Variants in STAT5B observed in about 807,000 individuals in gnomAD.
STAT5B encodes transcription factor STAT5B.
In STAT5B, 21 loss-of-function variants were observed where a neutral mutation model predicts 107.8. The ratio of observed to expected loss-of-function variants is 0.19; its 90% confidence interval spans 0.14 to 0.28. The LOEUF is 0.28. Ranked by LOEUF, STAT5B falls within the 10% of genes least tolerant of loss-of-function variation. The pLI is 1.00. For missense variants in STAT5B, 565 were observed against 1,008.2 expected, an observed-to-expected ratio of 0.56 and a Z score of 5.95; for synonymous variants, 325 against 401.7, an observed-to-expected ratio of 0.81 and a Z score of 2.28.
chr17:42,233,856 C>A (rs2080337091), intron 1 of STAT5B: 1 of 152,034 alleles, frequency 6.6e-6, no homozygotes, highest in African/African-American at 2.4e-5. Flanking sequence ...ACCATGATGC[C>A]CCCCTCAGAC....
chr17:42,270,039 G>A (rs142202145), intron 1 of STAT5B, among the ~76,000 whole-genome samples: 224 of 151,648 alleles, frequency 1.5e-3, no homozygotes, highest in African/African-American at 5.2e-3. Context: ...TCAAAACCCC[G>A]TCTCTACTAA....
chr17:42,258,666 G>A (rs1012191447), intron 1 of STAT5B, among the ~76,000 whole-genome samples: 1 of 152,250 alleles, frequency 6.6e-6, no homozygotes. Context: ...GAAACAGAGC[G>A]AGACTCCGTC....
chr17:42,243,135 AT>A (rs956625425), intron 1 of STAT5B, among the ~76,000 whole-genome samples: 16 of 151,290 alleles, frequency 1.1e-4, no homozygotes, highest in African/African-American at 3.2e-4. Flanking sequence ...AAAAAAAAAA[AT>A]GTTAAAAATA....
intron 2 of STAT5B, 116 bp from the exon 3 acceptor site, chr17:42,227,801 C>A: frequency 2.7e-6 from 3 of 1,105,828 alleles, no homozygotes; most frequent in Non-Finnish European, 3.9e-6. Context: ...ATCCTCACTG[C>A]AAATTTTAAG....
chr17:42,276,505 G>T (rs1339355563), upstream of STAT5B: 1 of 150,380 alleles, frequency 6.6e-6, no homozygotes, highest in African/African-American at 2.4e-5. This position sits in a 1 kb window ranked among gnomAD's most constrained non-coding sequence, Gnocchi z 4.8. Flanking sequence ...TCCGCCCGGC[G>T]CGCGCTCGCT....
intron 1 of STAT5B, among the ~76,000 whole-genome samples, chr17:42,251,187 C>A (rs1161857488): frequency 6.6e-6 from 1 of 152,096 alleles, no homozygotes; most frequent in Admixed American, 6.6e-5. Context: ...CACCTTCATT[C>A]TTTTAAATCA....
chr17:42,263,886 C>CAA (rs1318474653), intron 1 of STAT5B, among the ~76,000 whole-genome samples: 1 of 151,184 alleles, frequency 6.6e-6, no homozygotes, highest in African/African-American at 2.4e-5. Context: ...CACACACACA[C>CAA]ACACACACAC....
At chr17:42,277,795 G>A (rs2080777049), upstream of STAT5B, among the ~76,000 whole-genome samples, 1 of 135,216 alleles carries the variant, frequency 7.4e-6, no homozygotes, top group Non-Finnish European at 1.6e-5. Flanking sequence ...TCTCTCTGTT[G>A]CCCAGGCTGG....
chr17:42,241,160 G>T (rs2080398317), intron 1 of STAT5B, among the ~76,000 whole-genome samples: 1 of 151,862 alleles, frequency 6.6e-6, no homozygotes, highest in African/African-American at 2.4e-5. Context: ...CCAACATGGA[G>T]AAACCCTGTC....
chr17:42,246,344 A>T (rs940419498), intron 1 of STAT5B, among the ~76,000 whole-genome samples: 5 of 152,082 alleles, frequency 3.3e-5, no homozygotes, highest in Admixed American at 6.5e-5. Flanking sequence ...ATTATAAAAA[A>T]ATTTTAATTT....
chr17:42,247,358 A>G (rs965200485), intron 1 of STAT5B, among the ~76,000 whole-genome samples: 42 of 152,262 alleles, frequency 2.8e-4, no homozygotes, highest in African/African-American at 9.2e-4. Flanking sequence ...TTAATTTGCC[A>G]TGAATTAAAA....
intron 5 of STAT5B, among the ~76,000 whole-genome samples, chr17:42,222,200 C>A (rs540372792): frequency 1.2e-4 from 17 of 146,652 alleles, no homozygotes; most frequent in African/African-American, 4.3e-4. Flanking sequence ...TCTGTGTGTG[C>A]TGTGTGTGTG....
At chr17:42,209,408 T>C (rs1243340150) in intron 15 of STAT5B, among the ~76,000 whole-genome samples, 2 of 152,146 alleles carry the variant, frequency 1.3e-5, no homozygotes, top group Non-Finnish European at 2.9e-5. Context: ...GCTACCCTTA[T>C]TGTGAGGGTC....
At chr17:42,248,500 G>A (rs1349330030) in intron 1 of STAT5B, among the ~76,000 whole-genome samples, 3 of 152,124 alleles carry the variant, frequency 2.0e-5, no homozygotes, top group East Asian at 3.8e-4. Flanking sequence ...CATAGTGGGA[G>A]TAAATAAAAT....
chr17:42,223,584 G>A, intron 4 of STAT5B, 28 bp from the exon 5 acceptor site: 2 of 1,612,398 alleles, frequency 1.2e-6, no homozygotes, highest in Non-Finnish European at 1.7e-6. Flanking sequence ...GCAGTGCAAG[G>A]CAGTGCGAAT....
chr17:42,228,116 C>A (rs1340662882), intron 2 of STAT5B, among the ~76,000 whole-genome samples: 1 of 152,176 alleles, frequency 6.6e-6, no homozygotes. Flanking sequence ...TCCTTTCCAG[C>A]CTCAAGGAGT....
At chr17:42,277,509 CA>C (rs942566222), upstream of STAT5B, among the ~76,000 whole-genome samples, 3 of 152,138 alleles carry the variant, frequency 2.0e-5, no homozygotes, top group African/African-American at 7.2e-5. Flanking sequence ...TCCAGCTGGT[CA>C]AAAAACCCTT....
upstream of STAT5B, among the ~76,000 whole-genome samples, chr17:42,277,686 C>T (rs1409872323): frequency 1.3e-5 from 2 of 152,144 alleles, no homozygotes; most frequent in Non-Finnish European, 2.9e-5. Context: ...CTGACAGTTA[C>T]TGCCCATGAT....
At chr17:42,211,614 T>C (rs558447122) in intron 13 of STAT5B, among the ~76,000 whole-genome samples, 3 of 152,214 alleles carry the variant, frequency 2.0e-5, no homozygotes, top group East Asian at 1.9e-4. Flanking sequence ...GAGGGTCCCA[T>C]AGGAGCCTGA....
Sources: gnomAD v4.1 joint callset for allele counts (sites outside exome capture counted in the v4.1 genomes callset) on GRCh38, gnomAD v4.1.1 for gene constraint, Gnocchi (gnomAD v3.1) non-coding constraint, MANE v1.5 for transcripts, NCBI Gene and HGNC (gene_info 2026-07-23, HGNC 2026-07-21) for gene names.